TMEM272: variants seen among roughly 807,000 people sequenced by gnomAD.
TMEM272 encodes the protein long intergenic non-protein coding RNA 282.
In TMEM272, 8 loss-of-function variants were observed where a neutral mutation model predicts 3.7. The observed-to-expected ratio is 2.17, with a 90% CI of 1.27 to 3.91. TMEM272 has a LOEUF of 3.91. TMEM272 is among the 30% of genes most tolerant of loss of function. The pLI, the probability that TMEM272 is intolerant of heterozygous loss-of-function variation, is 0.00. For missense variants in TMEM272, 166 were observed against 91.5 expected, an observed-to-expected ratio of 1.81 and a Z score of -3.32; for synonymous variants, 63 against 39.8, an observed-to-expected ratio of 1.58 and a Z score of -2.20.
rs939073162 is a variant in TMEM272, at chr13:51,817,059, C to A, written c.256G>T (p.Val86Leu). 2 of 702,868 alleles carry A rather than the reference C, an allele frequency of 2.8e-6. No individual in the cohort carries two copies. Among genetic ancestry groups the A allele is most frequent in the African/African-American group, 1.7e-5 (1 of 57,242 alleles). 43.5% of individuals were successfully genotyped at this position (702,868 alleles called of 1,614,324 possible). ...TRMRRLLSKA[V>L]VIDDDDDDEY... ...TCATCGTCATCGTCATCAATCACCA[C>A]GGCCTTGGACAGCAGCCGCCTCATC... is the stretch of plus-strand genomic sequence containing the variant. Residue 86 changes from valine to leucine, a missense_variant, in exon 5 of 5, where the codon GTG (valine) becomes TTG (leucine). Val to Leu is a conservative substitution (Grantham distance 32). Coordinates refer to ENST00000629372, the MANE Select transcript of TMEM272 (RefSeq NM_001351003.2).
chr13:51,877,778 C>T, the TMEM272 span, among the ~76,000 whole-genome samples: 68 of 152,098 alleles, frequency 4.5e-4, no homozygotes, highest in East Asian at 0.01. Flanking sequence ...ACTTAAGTAC[C>T]GATGTATGAT....
At chr13:51,908,684 A>G in the TMEM272 span, 1 of 1,475,714 alleles carries the variant, frequency 6.8e-7, no homozygotes, top group Non-Finnish European at 9.5e-7. Context: ...CATCCATTTT[A>G]TCCAAAGAAG....
chr13:51,903,942 C>CGTGTGTGTGTGTGTGT, the TMEM272 span, among the ~76,000 whole-genome samples: 19,680 of 136,416 alleles, frequency 0.14, 1,699 homozygotes, highest in Non-Finnish European at 0.16. Context: ...CAGTCTTCCA[C>CGTGTGTGTGTGTGTGT]GTGTGTGTGT....
At chr13:51,919,128 G>A in the TMEM272 span, among the ~76,000 whole-genome samples, 1 of 152,058 alleles carries the variant, frequency 6.6e-6, no homozygotes, top group Non-Finnish European at 1.5e-5. Context: ...GGCCAGTGCC[G>A]AGGCCCAGGT....
chr13:51,819,939 T>C (rs1473140889), intron 4 of TMEM272, among the ~76,000 whole-genome samples: 1 of 152,150 alleles, frequency 6.6e-6, no homozygotes, highest in Non-Finnish European at 1.5e-5. Flanking sequence ...TGCATGTCCT[T>C]GTTGGCTTAG....
the TMEM272 span, among the ~76,000 whole-genome samples, chr13:51,897,362 ATTTTTTTTTTTTTTTTT>A: frequency 8.6e-4 from 71 of 82,426 alleles, no homozygotes; most frequent in African/African-American, 1.6e-3. Context: ...TGTCTGGCTA[ATTTTTTTTTTTTTTTTT>A]TTTTTTTTTT....
At chr13:51,856,029 T>C in the TMEM272 span, among the ~76,000 whole-genome samples, 2 of 152,178 alleles carry the variant, frequency 1.3e-5, no homozygotes, top group Admixed American at 6.5e-5. Flanking sequence ...GAGATGGAGT[T>C]ATTACTCAAA....
At chr13:51,883,237 A>G in the TMEM272 span, among the ~76,000 whole-genome samples, 1 of 152,144 alleles carries the variant, frequency 6.6e-6, no homozygotes, top group Non-Finnish European at 1.5e-5. Flanking sequence ...AGCTTGGCAA[A>G]TGGGGGCACG....
At chr13:51,868,345 G>A in the TMEM272 span, among the ~76,000 whole-genome samples, 3 of 152,210 alleles carry the variant, frequency 2.0e-5, no homozygotes, top group African/African-American at 7.2e-5. Flanking sequence ...GAGCACTACA[G>A]CAGTGCATGT....
chr13:51,849,785 C>G (rs1391264960), upstream of TMEM272, among the ~76,000 whole-genome samples: 1 of 152,234 alleles, frequency 6.6e-6, no homozygotes, highest in Non-Finnish European at 1.5e-5. Context: ...ACCTGGGCTC[C>G]AAGGCCGAGG....
At chr13:51,912,406 T>C in the TMEM272 span, among the ~76,000 whole-genome samples, 2 of 152,128 alleles carry the variant, frequency 1.3e-5, no homozygotes, top group African/African-American at 4.8e-5. Context: ...GAGCCATGCC[T>C]GGCACATCCT....
chr13:51,865,705 A>G, the TMEM272 span: 1 of 1,614,176 alleles, frequency 6.2e-7, no homozygotes, highest in Admixed American at 1.7e-5. Flanking sequence ...CCTTCTGGGA[A>G]ATGGAAAAGT....
chr13:51,930,945 A>G, the TMEM272 span, among the ~76,000 whole-genome samples: 1 of 152,142 alleles, frequency 6.6e-6, no homozygotes, highest in Non-Finnish European at 1.5e-5. Flanking sequence ...TAACATGTCA[A>G]TTTCCAGATG....
chr13:51,887,996 A>G, the TMEM272 span, among the ~76,000 whole-genome samples: 1 of 152,134 alleles, frequency 6.6e-6, no homozygotes, highest in Non-Finnish European at 1.5e-5. Flanking sequence ...CTTCATATAA[A>G]TGGTAAAGTG....
At chr13:51,905,881 A>G in the TMEM272 span, among the ~76,000 whole-genome samples, 1 of 152,204 alleles carries the variant, frequency 6.6e-6, no homozygotes. Flanking sequence ...AATCGGATTG[A>G]GAATGAAGGC....
At chr13:51,881,595 T>C in the TMEM272 span, among the ~76,000 whole-genome samples, 1 of 152,194 alleles carries the variant, frequency 6.6e-6, no homozygotes, top group African/African-American at 2.4e-5. Context: ...GTTGAAATCC[T>C]AATTCCCAAG....
chr13:51,835,220 TTTTC>T (rs141607011), intron 2 of TMEM272, among the ~76,000 whole-genome samples: 79,832 of 142,504 alleles, frequency 0.56, 22,018 homozygotes, highest in Non-Finnish European at 0.62. Flanking sequence ...AAAACTTTTA[TTTTC>T]TTTCTTTTTT....
intron 1 of TMEM272, among the ~76,000 whole-genome samples, chr13:51,842,431 GGAGT>G (rs1466791954): frequency 6.6e-6 from 1 of 152,064 alleles, no homozygotes; most frequent in Non-Finnish European, 1.5e-5. Flanking sequence ...AAGCAGAAAA[GGAGT>G]AAGTCCACCA....
intron 3 of TMEM272, among the ~76,000 whole-genome samples, chr13:51,825,637 T>G (rs370885543): frequency 2.4e-3 from 5 of 2,120 alleles, no homozygotes; most frequent in African/African-American, 0.011. Flanking sequence ...GTTTTTGTGT[T>G]TTTTTTTTTT....
Sources: gnomAD v4.1 joint callset for allele counts (sites outside exome capture counted in the v4.1 genomes callset) on GRCh38, gnomAD v4.1.1 for gene constraint, MANE v1.5 for transcripts, NCBI Gene and HGNC (gene_info 2026-07-23, HGNC 2026-07-21) for gene names.